The following COMMD10 variants were observed in gnomAD, a reference collection of about 807,000 sequenced individuals.
COMMD10 encodes the protein COMM domain containing 10, also known as COMM domain-containing protein 10.
COMMD10 carries 33 observed loss-of-function variants against 28.9 expected under a neutral mutation model. The observed-to-expected ratio is 1.14, with a 90% CI of 0.87 to 1.53. The LOEUF is 1.53. Among genes scored for constraint, COMMD10 ranks in the 40% most tolerant of loss-of-function variants. The probability of loss-of-function intolerance (pLI) is 0.00; values close to 1 mark genes in which losing one functional copy is unlikely to be tolerated. For missense variants in COMMD10, 310 were observed against 233.4 expected (o/e 1.33, Z -2.14); for synonymous variants, 110 against 81.7 (o/e 1.35, Z -1.87).
chr5:116,284,177 T>C (rs73261068), intron 5 of COMMD10, among the ~76,000 whole-genome samples: 4,869 of 151,896 alleles, frequency 0.032, 349 homozygotes, highest in African/African-American at 0.11. Context: ...TTAATTTCTT[T>C]AAAATCTTTT....
intron 4 of COMMD10, among the ~76,000 whole-genome samples, chr5:116,101,717 C>T (rs1231786890): frequency 6.6e-6 from 1 of 152,188 alleles, no homozygotes; most frequent in Non-Finnish European, 1.5e-5. Flanking sequence ...AGCCACTGCG[C>T]CCGGACTTTC....
Position 116,203,456 on chromosome 5 carries a change from C to A in COMMD10, c.510+69278C>A, listed in dbSNP as rs375541785. Among the ~76,000 whole-genome samples, 29 of 151,898 alleles carry A rather than the reference C, an allele frequency of 1.9e-4. 1 individual carries two copies. Among genetic ancestry groups the A allele is most frequent in the Middle Eastern group, 6.8e-3 (2 of 294 alleles). On this transcript the variant is annotated intron_variant, in intron 5 of 6. Coordinates refer to ENST00000274458, the MANE Select transcript of COMMD10 (RefSeq NM_016144.4). ...ATAATTGTCACATTCACCAAAGTTG[C>A]AATGAAGGAAAAAATGTTAAGGGCA... is the stretch of plus-strand genomic sequence containing the variant.
intron 5 of COMMD10, chr5:116,218,063 T>C: frequency 2.5e-6 from 3 of 1,194,378 alleles, no homozygotes; most frequent in Non-Finnish European, 2.5e-6. Context: ...CTGTGCCTGA[T>C]CTGTTTTGAC....
At position 116,097,299 on chromosome 5, in the gene COMMD10, TATAATGATAAC is replaced by T. The variant is rs375266153; in HGVS notation, c.399+4601_399+4611del. Among the ~76,000 whole-genome samples, 640 of 152,328 alleles carry T rather than the reference TATAATGATAAC, an allele frequency of 4.2e-3. 4 individuals are homozygous for T. The highest frequency in any genetic ancestry group is 0.014 in the African/African-American group (599 of 41,580). On this transcript the variant is annotated intron_variant, in intron 4 of 6. Transcript: ENST00000274458. ...TTTAAAGTCTGAAATGCTTAAATAA[TATAATGATAAC>T]AAGCATTTATTGTGCTTATTGTGGG... is the stretch of plus-strand genomic sequence containing the variant.
chr5:116,198,233 T>C (rs1748580439), intron 5 of COMMD10, among the ~76,000 whole-genome samples: 1 of 152,176 alleles, frequency 6.6e-6, no homozygotes, highest in East Asian at 1.9e-4. Flanking sequence ...TTTATAGGTG[T>C]TCACCTTTAG....
intron 6 of COMMD10, 52 bp from the exon 7 acceptor site, chr5:116,292,398 TG>T: frequency 7.9e-7 from 1 of 1,261,050 alleles, no homozygotes; most frequent in Non-Finnish European, 1.1e-6. Context: ...ACACTTGATA[TG>T]AGTTTCGTTC....
intron 5 of COMMD10, among the ~76,000 whole-genome samples, chr5:116,175,642 A>C (rs546673399): frequency 2.0e-5 from 3 of 152,242 alleles, no homozygotes; most frequent in Admixed American, 1.3e-4. Flanking sequence ...TGGCAGATGC[A>C]TGGATAAGCA....
intron 5 of COMMD10, among the ~76,000 whole-genome samples, chr5:116,277,774 G>A (rs748918811): frequency 7.9e-5 from 12 of 151,838 alleles, no homozygotes; most frequent in Non-Finnish European, 1.3e-4. Flanking sequence ...GAAGACTTAC[G>A]TGACAGCACA....
chr5:116,125,353 T>C (rs1254120412), intron 4 of COMMD10, among the ~76,000 whole-genome samples: 1 of 152,216 alleles, frequency 6.6e-6, no homozygotes, highest in East Asian at 1.9e-4. Flanking sequence ...AAAATTCTTT[T>C]CTTTAAGAAT....
At chr5:116,187,378 C>G (rs1390626298) in intron 5 of COMMD10, among the ~76,000 whole-genome samples, 4 of 151,894 alleles carry the variant, frequency 2.6e-5, no homozygotes, top group African/African-American at 9.7e-5. Context: ...ATTGTATATG[C>G]ATTTAAATAT....
chr5:116,251,732 T>C (rs1309056456), intron 5 of COMMD10, among the ~76,000 whole-genome samples: 3 of 151,926 alleles, frequency 2.0e-5, no homozygotes, highest in Non-Finnish European at 4.4e-5. Flanking sequence ...TTTGCTATTG[T>C]GAATAATGCC....
intron 5 of COMMD10, among the ~76,000 whole-genome samples, chr5:116,229,109 A>G (rs992550347): frequency 1.3e-5 from 2 of 152,032 alleles, no homozygotes; most frequent in African/African-American, 4.8e-5. Flanking sequence ...GAGCATTTAT[A>G]ATTTATCTAC....
intron 5 of COMMD10, among the ~76,000 whole-genome samples, chr5:116,193,317 T>A (rs538265995): frequency 1.7e-3 from 260 of 152,248 alleles, no homozygotes; most frequent in African/African-American, 5.9e-3. Context: ...ACCTCACATA[T>A]CAATACTGAC....
At chr5:116,181,685 T>C (rs906181247) in intron 5 of COMMD10, among the ~76,000 whole-genome samples, 2 of 152,012 alleles carry the variant, frequency 1.3e-5, no homozygotes, top group Admixed American at 6.6e-5. Context: ...ATCATTGTTA[T>C]AAATCATGGT....
chr5:116,145,676 G>A (rs983383684), intron 5 of COMMD10, among the ~76,000 whole-genome samples: 2 of 151,956 alleles, frequency 1.3e-5, no homozygotes, highest in South Asian at 2.1e-4. Flanking sequence ...CAATCCCCAC[G>A]TGTCAAGGGA....
intron 5 of COMMD10, among the ~76,000 whole-genome samples, chr5:116,260,175 G>C (rs1750402524): frequency 1.3e-5 from 2 of 151,762 alleles, no homozygotes; most frequent in Admixed American, 1.3e-4. Flanking sequence ...TTGAAATTAA[G>C]AGAACTAAGA....
chr5:116,253,674 T>C (rs1750190719), intron 5 of COMMD10, among the ~76,000 whole-genome samples: 1 of 146,984 alleles, frequency 6.8e-6, no homozygotes, highest in East Asian at 2.0e-4. Flanking sequence ...ATAAGCTTTT[T>C]GATGTGCTGC....
At chr5:116,169,937 G>A (rs145494632) in intron 5 of COMMD10, among the ~76,000 whole-genome samples, 391 of 152,180 alleles carry the variant, frequency 2.6e-3, no homozygotes, top group Non-Finnish European at 4.4e-3. Flanking sequence ...AGAAGACAGC[G>A]ATGCCCTCTC....
At chr5:116,286,418 T>C (rs1751219520) in intron 5 of COMMD10, among the ~76,000 whole-genome samples, 1 of 151,122 alleles carries the variant, frequency 6.6e-6, no homozygotes, top group Non-Finnish European at 1.5e-5. Flanking sequence ...CTTAGGGTTT[T>C]TTTTTTTTCC....
Sources: allele counts gnomAD v4.1 joint callset (sites outside exome capture counted in the v4.1 genomes callset), GRCh38; gene constraint gnomAD v4.1.1; transcripts MANE v1.5; gene names NCBI Gene and HGNC (gene_info 2026-07-23, HGNC 2026-07-21).